The following RNF24 variants were observed in gnomAD, a reference collection of about 807,000 sequenced individuals.
RNF24 encodes the protein ring finger protein 24.
Under a neutral mutation model 20.0 loss-of-function variants are expected in RNF24, and 14 were observed. The ratio of observed to expected loss-of-function variants is 0.70; its 90% CI spans 0.46 to 1.10. The LOEUF is 1.10. Among genes scored for constraint, RNF24 ranks in the 50% least tolerant of loss-of-function variants. The pLI, the probability that RNF24 is intolerant of heterozygous loss-of-function variation, is 0.00. For missense variants in RNF24, 124 were observed against 177.6 expected, an observed-to-expected ratio of 0.70 and a Z score of 1.71; for synonymous variants, 45 against 61.1, an observed-to-expected ratio of 0.74 and a Z score of 1.23.
chr20:4,001,029 G>C (rs1981343348), intron 1 of RNF24, among the ~76,000 whole-genome samples: 1 of 152,168 alleles, frequency 6.6e-6, no homozygotes, highest in African/African-American at 2.4e-5. Context: ...CACTTTGGGA[G>C]GCCGAGGCAG....
intron 1 of RNF24, among the ~76,000 whole-genome samples, chr20:4,014,092 CTCTG>C (rs1982679890): frequency 6.6e-6 from 1 of 152,188 alleles, no homozygotes; most frequent in African/African-American, 2.4e-5. Flanking sequence ...TTCCTTCTCT[CTCTG>C]GAGATGAGGA....
chr20:3,980,650 A>C (rs1326034916), intron 1 of RNF24, among the ~76,000 whole-genome samples: 1 of 152,160 alleles, frequency 6.6e-6, no homozygotes, highest in African/African-American at 2.4e-5. Context: ...AAATGATGGA[A>C]AGCATCCCAA....
intron 1 of RNF24, among the ~76,000 whole-genome samples, chr20:3,966,806 G>A (rs1326104468): frequency 1.3e-5 from 2 of 152,148 alleles, no homozygotes; most frequent in Admixed American, 6.5e-5. Flanking sequence ...GTAGCATTCT[G>A]TACAAAGACT....
chr20:3,952,529 T>A (rs2091092621), intron 2 of RNF24, among the ~76,000 whole-genome samples: 1 of 151,866 alleles, frequency 6.6e-6, no homozygotes, highest in Non-Finnish European at 1.5e-5. Context: ...ACTGCCTTTA[T>A]AATCTTTATT....
At chr20:3,958,310 T>C (rs1409952373) in intron 2 of RNF24, among the ~76,000 whole-genome samples, 1 of 152,134 alleles carries the variant, frequency 6.6e-6, no homozygotes, top group East Asian at 1.9e-4. Flanking sequence ...AAAATCTCTA[T>C]CTTACAAAAA....
intron 3 of RNF24, 28 bp downstream of exon 3, chr20:3,948,204 AAAATC>A (rs764778589): frequency 3.2e-6 from 5 of 1,540,058 alleles, no homozygotes; most frequent in Non-Finnish European, 4.4e-6. Context: ...GGGGAAAAAA[AAAATC>A]AAAGCCAATC....
rs181242724 is a variant in RNF24 at position 3,934,338 on chromosome 20, C to T, written c.309-137G>A. The T allele has an allele frequency of 6.0e-5, 46 of 769,108 alleles. No homozygotes were observed. The highest frequency in any genetic ancestry group is 1.3e-4 in the East Asian group (4 of 30,712). 47.6% of individuals were successfully genotyped at this position (769,108 alleles called of 1,614,324 possible). On this transcript the variant is annotated intron_variant, in intron 5 of 5. Transcript: ENST00000358395. The surrounding 1 kb of genome is among the most constrained non-coding windows in gnomAD (Gnocchi z 4.0). Reference sequence around the variant, plus strand: ...AGGAGCTCCCCTCCTAGGTGGTGAACGGATGTCACCCCCTGGAGAGAGGGA... The same window carrying T: ...AGGAGCTCCCCTCCTAGGTGGTGAATGGATGTCACCCCCTGGAGAGAGGGA...
intron 1 of RNF24, among the ~76,000 whole-genome samples, chr20:4,010,297 C>T (rs1478779410): frequency 6.6e-6 from 1 of 151,820 alleles, no homozygotes; most frequent in Non-Finnish European, 1.5e-5. Context: ...TGCTTGAACC[C>T]GGGAAGCAGA....
intron 1 of RNF24, among the ~76,000 whole-genome samples, chr20:3,980,625 T>A (rs1043955090): frequency 4.6e-5 from 7 of 152,168 alleles, no homozygotes; most frequent in Non-Finnish European, 1.0e-4. Flanking sequence ...GTAAACTGAT[T>A]CAGAGTATAC....
intron 1 of RNF24, among the ~76,000 whole-genome samples, chr20:3,968,782 A>G (rs1054595966): frequency 3.3e-5 from 5 of 152,190 alleles, no homozygotes; most frequent in African/African-American, 1.2e-4. Context: ...AGAAAGACCT[A>G]AGCTTTCTGA....
Position 3,934,038 on chromosome 20 carries a change from G to T in RNF24, c.*25C>A. Reference sequence around the variant, plus strand: ...TGGCTCCACACAGACGTCGTGTCCAGCAACAGTCTGATCCTTGCGGTAAGC... The same window carrying T: ...TGGCTCCACACAGACGTCGTGTCCATCAACAGTCTGATCCTTGCGGTAAGC... On this transcript the variant is annotated 3_prime_UTR_variant, in exon 6 of 6. Transcript: ENST00000358395. This position sits in a 1 kb window ranked among gnomAD's most constrained non-coding sequence, Gnocchi z 4.0. 7.0e-7 allele frequency: 1 copy of T among 1,432,864 alleles called. No individual in the cohort carries two copies. The highest frequency in any genetic ancestry group is 9.2e-7 in the Non-Finnish European group (1 of 1,088,926). The allele number at this position is 1,432,864 out of a possible 1,614,324, so 88.8% of individuals were successfully genotyped here. A position where few individuals can be genotyped will look rare whatever the true frequency, so the allele number is the denominator to read the frequency against.
At chr20:3,994,313 G>C (rs147818309) in intron 1 of RNF24, among the ~76,000 whole-genome samples, 3 of 152,164 alleles carry the variant, frequency 2.0e-5, no homozygotes, top group Non-Finnish European at 4.4e-5. Flanking sequence ...CAATCTGAAT[G>C]TATCAGTTGT....
chr20:3,982,954 G>T (rs1374411545), intron 1 of RNF24, among the ~76,000 whole-genome samples: 3 of 152,148 alleles, frequency 2.0e-5, no homozygotes, highest in African/African-American at 4.8e-5. Context: ...TTCATGAATG[G>T]ATTAATGCCA....
intron 1 of RNF24, among the ~76,000 whole-genome samples, chr20:3,984,329 G>A (rs1181772420): frequency 2.6e-5 from 4 of 152,114 alleles, no homozygotes; most frequent in Non-Finnish European, 5.9e-5. Context: ...GTGAGCTTCG[G>A]TTATCAAGAT....
At chr20:3,982,858 C>CA (rs1381896675) in intron 1 of RNF24, among the ~76,000 whole-genome samples, 2 of 152,254 alleles carry the variant, frequency 1.3e-5, no homozygotes, top group East Asian at 3.9e-4. Context: ...CAATGTATTC[C>CA]ATCCACCCTA....
At position 3,980,109 on chromosome 20, in the gene RNF24, G is replaced by T. The variant is rs190756344; in HGVS notation, c.-7-16085C>A. Among the ~76,000 whole-genome samples, 76 of 152,186 alleles carry T rather than the reference G, an allele frequency of 5.0e-4. No individual in the cohort carries two copies. The Middle Eastern group carries it at 0.01, about 20-fold the overall frequency. ...TAAAAACATCCATGAGATAATTTGAGTATTAATTTTAAATTCTAGAATAGA... is the reference window on the plus strand; with the variant it reads ...TAAAAACATCCATGAGATAATTTGATTATTAATTTTAAATTCTAGAATAGA... On this transcript the variant is annotated intron_variant, in intron 1 of 5. Coordinates refer to ENST00000358395, the MANE Select transcript of RNF24 (RefSeq NM_001134337.3).
chr20:4,011,760 A>C (rs1344532818), intron 1 of RNF24, among the ~76,000 whole-genome samples: 2 of 152,238 alleles, frequency 1.3e-5, no homozygotes, highest in Admixed American at 1.3e-4. Flanking sequence ...AACTGTGAAT[A>C]ACAGGTACAC....
intron 1 of RNF24, among the ~76,000 whole-genome samples, chr20:3,998,557 A>T (rs1981094255): frequency 7.1e-6 from 1 of 141,606 alleles, no homozygotes; most frequent in Non-Finnish European, 1.5e-5. Flanking sequence ...CCTGGGCAAC[A>T]GAGCGAGACT....
intron 4 of RNF24, among the ~76,000 whole-genome samples, chr20:3,935,680 A>G (rs2090882067): frequency 6.6e-6 from 1 of 152,230 alleles, no homozygotes; most frequent in Non-Finnish European, 1.5e-5. Context: ...TCAGCCAATG[A>G]CTAGTCTCCA....
Sources: allele counts gnomAD v4.1 joint callset (sites outside exome capture counted in the v4.1 genomes callset), GRCh38; gene constraint gnomAD v4.1.1; non-coding constraint Gnocchi (gnomAD v3.1); transcripts MANE v1.5; gene names NCBI Gene and HGNC (gene_info 2026-07-23, HGNC 2026-07-21).